Variants in GRM7 observed in about 807,000 individuals in gnomAD.
The protein encoded by GRM7 is metabotropic glutamate receptor 7.
In GRM7, 35 loss-of-function variants were observed where a neutral mutation model predicts 84.5. That is an observed-to-expected ratio of 0.41 (90% CI 0.32 to 0.55). The LOEUF (loss-of-function observed/expected upper bound fraction) is 0.55, where lower values mean the gene tolerates loss of function less well. GRM7 is among the 20% of genes least tolerant of loss of function. The pLI, the probability that GRM7 is intolerant of heterozygous loss-of-function variation, is 0.19. For missense variants in GRM7, 1,003 were observed against 1,194.6 expected (o/e 0.84, Z 2.36); for synonymous variants, 487 against 455.1 (o/e 1.07, Z -0.89).
intron 8 of GRM7, among the ~76,000 whole-genome samples, chr3:7,601,779 G>C (rs538691720): frequency 6.6e-6 from 1 of 152,124 alleles, no homozygotes; most frequent in Non-Finnish European, 1.5e-5. Context: ...GTTTTGGTCT[G>C]ATAGGAAAGA....
At chr3:6,912,061 C>T (rs1575004920) in intron 1 of GRM7, among the ~76,000 whole-genome samples, 1 of 152,120 alleles carries the variant, frequency 6.6e-6, no homozygotes, top group Non-Finnish European at 1.5e-5. Flanking sequence ...CCAAAGAACA[C>T]TAGTTTTATC....
chr3:7,236,045 A>T (rs1198519324), intron 2 of GRM7, among the ~76,000 whole-genome samples: 2 of 152,110 alleles, frequency 1.3e-5, no homozygotes, highest in Non-Finnish European at 2.9e-5. Flanking sequence ...TCTGCTTCCA[A>T]GATGGTGCCT....
chr3:6,965,208 A>G (rs1693470047), intron 1 of GRM7, among the ~76,000 whole-genome samples: 1 of 152,238 alleles, frequency 6.6e-6, no homozygotes. Context: ...GCTGAAGCAC[A>G]GAGAGGACAG....
At chr3:6,894,387 C>G (rs4108607) in intron 1 of GRM7, among the ~76,000 whole-genome samples, 1 of 151,968 alleles carries the variant, frequency 6.6e-6, no homozygotes, top group East Asian at 1.9e-4. Context: ...AAGCAAATCC[C>G]ACTTCTAGCT....
chr3:7,274,881 G>T (rs944701773), intron 2 of GRM7, among the ~76,000 whole-genome samples: 1 of 151,926 alleles, frequency 6.6e-6, no homozygotes, highest in African/African-American at 2.4e-5. Flanking sequence ...AATATTTCTT[G>T]TGTTCCTGTT....
At chr3:7,235,930 G>A (rs1697333280) in intron 2 of GRM7, among the ~76,000 whole-genome samples, 2 of 152,190 alleles carry the variant, frequency 1.3e-5, no homozygotes, top group African/African-American at 4.8e-5. Context: ...AAATACCTTA[G>A]ACTGGGTAAT....
chr3:7,713,129 T>G (rs866116923), intron 9 of GRM7, among the ~76,000 whole-genome samples: 19 of 132,754 alleles, frequency 1.4e-4, no homozygotes, highest in South Asian at 2.6e-4. Context: ...GTTTTGTTTT[T>G]TTTTTTTTTT....
At chr3:7,259,643 A>G (rs1252324494) in intron 2 of GRM7, among the ~76,000 whole-genome samples, 1 of 152,226 alleles carries the variant, frequency 6.6e-6, no homozygotes, top group East Asian at 1.9e-4. Context: ...GCTGCATAGT[A>G]TTAGATGGTG....
intron 3 of GRM7, among the ~76,000 whole-genome samples, chr3:7,305,110 A>G (rs1700142337): frequency 6.6e-6 from 1 of 152,176 alleles, no homozygotes; most frequent in Non-Finnish European, 1.5e-5. Context: ...ACAAACCCCT[A>G]GTTCCCAGCA....
chr3:7,190,901 T>A (rs17825016), intron 2 of GRM7, among the ~76,000 whole-genome samples: 45,140 of 151,658 alleles, frequency 0.3, 6,842 homozygotes, highest in Middle Eastern at 0.38. Context: ...TTTTCCAGCA[T>A]CTAAAACCAT....
intron 9 of GRM7, among the ~76,000 whole-genome samples, chr3:7,738,557 T>C (rs1369611573): frequency 6.6e-6 from 1 of 152,228 alleles, no homozygotes. Context: ...AACCTACTTA[T>C]TCTTTTGGTA....
At chr3:6,902,850 T>C (rs1008747822) in intron 1 of GRM7, among the ~76,000 whole-genome samples, 9 of 134,428 alleles carry the variant, frequency 6.7e-5, no homozygotes, top group African/African-American at 1.3e-4. Flanking sequence ...AACAGACTCC[T>C]ACACACACAC....
chr3:7,555,330 C>A (rs1693705942), intron 7 of GRM7, among the ~76,000 whole-genome samples: 1 of 152,106 alleles, frequency 6.6e-6, no homozygotes, highest in East Asian at 1.9e-4. Context: ...TTACTATTCC[C>A]CACAAGCCAT....
chr3:6,908,682 A>G (rs1405417040), intron 1 of GRM7, among the ~76,000 whole-genome samples: 1 of 152,182 alleles, frequency 6.6e-6, no homozygotes, highest in East Asian at 1.9e-4. Context: ...CTATGGCAAG[A>G]GTAATCAGAC....
At chr3:6,866,268 A>T (rs1694934161) in intron 1 of GRM7, among the ~76,000 whole-genome samples, 1 of 152,152 alleles carries the variant, frequency 6.6e-6, no homozygotes, top group South Asian at 2.1e-4. Context: ...TTTAGTCTCA[A>T]TCCTGCCATT....
chr3:6,994,525 A>G (rs1237406201), intron 1 of GRM7, among the ~76,000 whole-genome samples: 1 of 152,208 alleles, frequency 6.6e-6, no homozygotes, highest in Non-Finnish European at 1.5e-5. Flanking sequence ...ATGAGTAGTT[A>G]CATTGCCACA....
intron 1 of GRM7, among the ~76,000 whole-genome samples, chr3:7,053,031 G>C (rs1351174059): frequency 6.7e-6 from 1 of 149,004 alleles, no homozygotes; most frequent in Non-Finnish European, 1.5e-5. Flanking sequence ...TAGCATGCCA[G>C]TTGGTCAGTA....
intron 6 of GRM7, among the ~76,000 whole-genome samples, chr3:7,461,193 A>G (rs527299807): frequency 2.2e-4 from 34 of 152,346 alleles, no homozygotes; most frequent in Non-Finnish European, 4.1e-4. Context: ...TTTACTGACG[A>G]AAATTTAGTG....
Position 7,680,309 on chromosome 3 carries a change from C to T in GRM7, c.2698+14C>T, listed in dbSNP as rs375785623. Reference sequence around the variant, plus strand: ...TAGACCCAAACAGTAAGTAACTCTCCGTTTCTTTCATCTTCCCACCCTGCA... The same window carrying T: ...TAGACCCAAACAGTAAGTAACTCTCTGTTTCTTTCATCTTCCCACCCTGCA... On this transcript the variant is annotated intron_variant, in intron 9 of 9. Coordinates refer to ENST00000357716, the MANE Select transcript of GRM7 (RefSeq NM_000844.4). The T allele has an allele frequency of 2.2e-5, 36 of 1,612,884 alleles. No homozygotes were observed. The highest frequency in any genetic ancestry group is 1.9e-4 in the South Asian group (17 of 91,022).
Sources: allele counts gnomAD v4.1 joint callset (sites outside exome capture counted in the v4.1 genomes callset), GRCh38; gene constraint gnomAD v4.1.1; transcripts MANE v1.5; gene names NCBI Gene and HGNC (gene_info 2026-07-23, HGNC 2026-07-21).